LTBP1: variants seen among roughly 807,000 people sequenced by gnomAD.
LTBP1 encodes the protein latent transforming growth factor beta binding protein 1, also known as latent-transforming growth factor beta-binding protein 1.
Under a neutral mutation model 207.6 loss-of-function variants are expected in LTBP1, and 129 were observed. That is an observed-to-expected ratio of 0.62 (90% CI 0.54 to 0.72). The LOEUF is 0.72. LTBP1 is among the 30% of genes least tolerant of loss of function. LTBP1 has a pLI of 0.00. For missense variants in LTBP1, 2,281 were observed against 2,217.2 expected (o/e 1.03, Z -0.58); for synonymous variants, 963 against 833.7 (o/e 1.16, Z -2.67).
rs2093808171 is a variant in LTBP1, at chr2:33,293,150, A to G, written c.3113-10A>G. On this transcript the variant is annotated splice_polypyrimidine_tract_variant and intron_variant, in intron 19 of 33. Coordinates refer to ENST00000404816, the MANE Select transcript of LTBP1 (RefSeq NM_206943.4). ...TTTTTTGTTCTTTCCATTACGCAAC[A>G]TTCTTCAAGATGTGGACGAGTGCCT... 6.2e-7 allele frequency: 1 copy of G among 1,606,170 alleles called. No individual in the cohort carries two copies. Among genetic ancestry groups the G allele is most frequent in the Non-Finnish European group, 8.5e-7 (1 of 1,178,224 alleles).
At chr2:33,183,252 A>G (rs1283162447) in intron 5 of LTBP1, among the ~76,000 whole-genome samples, 1 of 152,078 alleles carries the variant, frequency 6.6e-6, no homozygotes, top group African/African-American at 2.4e-5. Flanking sequence ...TTTCTTTGCT[A>G]TACTTTCTTT....
intron 2 of LTBP1, among the ~76,000 whole-genome samples, chr2:32,952,537 A>G (rs1677311182): frequency 6.6e-6 from 1 of 152,254 alleles, no homozygotes. Flanking sequence ...TGCTCTTTCC[A>G]AGGAATTAAC....
intron 2 of LTBP1, among the ~76,000 whole-genome samples, chr2:33,018,903 T>C (rs1431545834): frequency 6.6e-6 from 1 of 152,140 alleles, no homozygotes; most frequent in African/African-American, 2.4e-5. Flanking sequence ...TTCCCAACTT[T>C]CTGAAAATTT....
chr2:33,111,414 C>T (rs1328991871), intron 4 of LTBP1, among the ~76,000 whole-genome samples: 5 of 152,184 alleles, frequency 3.3e-5, no homozygotes, highest in African/African-American at 4.8e-5. Flanking sequence ...CATCCAAAGG[C>T]GAGAGCTAGA....
At chr2:33,311,259 C>T (rs2094183068) in intron 23 of LTBP1, among the ~76,000 whole-genome samples, 1 of 152,108 alleles carries the variant, frequency 6.6e-6, no homozygotes, top group Non-Finnish European at 1.5e-5. Context: ...TTTAAATATA[C>T]ACCTTCCTGC....
intron 8 of LTBP1, among the ~76,000 whole-genome samples, chr2:33,219,700 T>TA (rs2090969515): frequency 6.6e-6 from 1 of 152,164 alleles, no homozygotes; most frequent in African/African-American, 2.4e-5. Flanking sequence ...TCTCTAATAT[T>TA]AAATACCTTC....
intron 19 of LTBP1, among the ~76,000 whole-genome samples, chr2:33,290,044 T>C (rs1361522352): frequency 3.3e-5 from 5 of 152,212 alleles, no homozygotes; most frequent in South Asian, 4.1e-4. Flanking sequence ...TGGCCACTTC[T>C]GGTGAGAGCC....
At chr2:33,244,343 C>A (rs1438983125) in intron 10 of LTBP1, among the ~76,000 whole-genome samples, 1 of 152,086 alleles carries the variant, frequency 6.6e-6, no homozygotes, top group Non-Finnish European at 1.5e-5. Flanking sequence ...TTCTTTAAAC[C>A]CACCAAAATG....
At chr2:33,372,166 G>C (rs1009778610) in intron 31 of LTBP1, among the ~76,000 whole-genome samples, 1 of 152,118 alleles carries the variant, frequency 6.6e-6, no homozygotes, top group East Asian at 1.9e-4. Context: ...CAGTGGTCAC[G>C]TACCAGTAAG....
intron 2 of LTBP1, among the ~76,000 whole-genome samples, chr2:32,954,253 G>A (rs1272878969): frequency 1.3e-5 from 2 of 152,196 alleles, no homozygotes; most frequent in South Asian, 2.1e-4. Flanking sequence ...TTCACATCAT[G>A]ATTTTCCAAG....
chr2:33,340,544 G>T (rs1162840331), intron 24 of LTBP1, among the ~76,000 whole-genome samples: 1 of 152,164 alleles, frequency 6.6e-6, no homozygotes, highest in African/African-American at 2.4e-5. Context: ...AGCCAGACTC[G>T]GAGGTCAGGG....
intron 3 of LTBP1, among the ~76,000 whole-genome samples, chr2:33,054,219 C>T (rs182718513): frequency 1.1e-4 from 16 of 152,248 alleles, no homozygotes; most frequent in South Asian, 1.0e-3. Context: ...CTCCACTGAC[C>T]GTTCGGTTTT....
At chr2:33,115,157 C>T (rs764525426) in intron 4 of LTBP1, among the ~76,000 whole-genome samples, 14 of 151,758 alleles carry the variant, frequency 9.2e-5, no homozygotes, top group Non-Finnish European at 1.9e-4. Flanking sequence ...AGGAGTATTA[C>T]TCAGCCATAA....
Position 33,287,392 on chromosome 2 carries a change from C to T in LTBP1, c.3113-5768C>T, listed in dbSNP as rs915371624. ...TCTGTACAATGTCTCATGTACCCTT[C>T]GTGTACACGTAAGAAAACTAAAGAA... On this transcript the variant is annotated intron_variant, in intron 19 of 33. Coordinates refer to ENST00000404816, the MANE Select transcript of LTBP1 (RefSeq NM_206943.4). Among the ~76,000 whole-genome samples the T allele has an allele frequency of 1.1e-4, 16 of 152,128 alleles. No individual in the cohort carries two copies. The East Asian group carries it at 1.2e-3, about 11-fold the overall frequency.
chr2:33,222,077 C>A lies in LTBP1; in HGVS notation c.1805-3C>A. 6.2e-7 allele frequency: 1 copy of A among 1,609,218 alleles called. No homozygotes were observed. The highest frequency in any genetic ancestry group is 8.5e-7 in the Non-Finnish European group (1 of 1,175,512). Reference sequence around the variant, plus strand: ...ATGTAACAAAGCATTTCTTCCCTTACAGCTTATCATGGATACAACCAAATG... The same window carrying A: ...ATGTAACAAAGCATTTCTTCCCTTAAAGCTTATCATGGATACAACCAAATG... On this transcript the variant is annotated splice_polypyrimidine_tract_variant and splice_region_variant and intron_variant, in intron 8 of 33. Transcript: ENST00000404816.
intron 4 of LTBP1, among the ~76,000 whole-genome samples, chr2:33,133,382 A>G (rs754404811): frequency 4.6e-5 from 7 of 152,134 alleles, no homozygotes; most frequent in Non-Finnish European, 8.8e-5. Flanking sequence ...CCAGTCATGG[A>G]GTGGCGTCAG....
chr2:33,301,371 C>A, intron 21 of LTBP1, 151 bp from the exon 22 acceptor site: 1 of 862,100 alleles, frequency 1.2e-6, no homozygotes, highest in Non-Finnish European at 1.7e-6. Flanking sequence ...AAAAAAGTCT[C>A]CTGAGATAGT....
chr2:33,318,555 C>A (rs76474985), intron 24 of LTBP1, among the ~76,000 whole-genome samples: 1 of 152,072 alleles, frequency 6.6e-6, no homozygotes, highest in Non-Finnish European at 1.5e-5. Flanking sequence ...CAGAGTGTAA[C>A]GTGTCATATA....
intron 31 of LTBP1, among the ~76,000 whole-genome samples, chr2:33,379,701 A>G (rs1306807679): frequency 6.6e-6 from 1 of 152,260 alleles, no homozygotes; most frequent in Non-Finnish European, 1.5e-5. Context: ...CAGGATTTCA[A>G]GATAGTCCAT....
Sources: gnomAD v4.1 joint callset for allele counts (sites outside exome capture counted in the v4.1 genomes callset) on GRCh38, gnomAD v4.1.1 for gene constraint, MANE v1.5 for transcripts, NCBI Gene and HGNC (gene_info 2026-07-23, HGNC 2026-07-21) for gene names.